Variants in SMAP1 observed in about 807,000 individuals in gnomAD.
The protein encoded by SMAP1 is small ArfGAP 1, also known as stromal membrane-associated protein 1.
Under a neutral mutation model 58.5 loss-of-function variants are expected in SMAP1, and 24 were observed. The ratio of observed to expected loss-of-function variants is 0.41; its 90% CI spans 0.30 to 0.58. The LOEUF is 0.58. Ranked by LOEUF, SMAP1 falls within the 20% of genes least tolerant of loss-of-function variation. The pLI, the probability that SMAP1 is intolerant of heterozygous loss-of-function variation, is 0.29. For missense variants in SMAP1, 563 were observed against 566.3 expected, an observed-to-expected ratio of 0.99 and a Z score of 0.06; for synonymous variants, 216 against 196.6, an observed-to-expected ratio of 1.10 and a Z score of -0.82.
intron 5 of SMAP1, among the ~76,000 whole-genome samples, chr6:70,797,423 A>T (rs1335661746): frequency 6.6e-6 from 1 of 151,918 alleles, no homozygotes; most frequent in African/African-American, 2.4e-5. Context: ...CTCCTGTGTG[A>T]CTCTGTTCCC....
At chr6:70,829,297 G>A (rs1770265335) in intron 6 of SMAP1, among the ~76,000 whole-genome samples, 1 of 145,046 alleles carries the variant, frequency 6.9e-6, no homozygotes, top group Non-Finnish European at 1.5e-5. Flanking sequence ...TTTTATTTTT[G>A]AGATGTGTTT....
chr6:70,675,165 TAAC>T (rs1224365414), intron 1 of SMAP1, among the ~76,000 whole-genome samples: 1 of 142,992 alleles, frequency 7.0e-6, no homozygotes, highest in Non-Finnish European at 1.5e-5. Flanking sequence ...AAGCAAATAA[TAAC>T]ATTACATATA....
At chr6:70,826,095 G>A (rs925807344) in intron 6 of SMAP1, among the ~76,000 whole-genome samples, 5 of 152,180 alleles carry the variant, frequency 3.3e-5, no homozygotes, top group East Asian at 3.9e-4. Context: ...GCACTTATGT[G>A]CCAGCTACTG....
chr6:70,709,511 GA>G (rs1336825198), intron 1 of SMAP1, among the ~76,000 whole-genome samples: 2 of 152,014 alleles, frequency 1.3e-5, no homozygotes, highest in Non-Finnish European at 2.9e-5. Flanking sequence ...ATTTTTTGTA[GA>G]GACAGGTCTG....
At chr6:70,852,814 C>T (rs1354394662) in intron 8 of SMAP1, 150 bp downstream of exon 8, 2 of 948,068 alleles carry the variant, frequency 2.1e-6, no homozygotes, top group African/African-American at 1.7e-5. Flanking sequence ...ACTAAGCCAG[C>T]AGCTTGTTTT....
At chr6:70,748,194 T>G (rs751886287) in intron 2 of SMAP1, among the ~76,000 whole-genome samples, 16 of 152,166 alleles carry the variant, frequency 1.1e-4, no homozygotes, top group Non-Finnish European at 2.1e-4. Context: ...AAATTTCAAG[T>G]GGTAGTAGAG....
intron 5 of SMAP1, among the ~76,000 whole-genome samples, 182 bp from the exon 6 acceptor site, chr6:70,798,475 A>C (rs559706223): frequency 2.3e-4 from 35 of 152,146 alleles, no homozygotes; most frequent in African/African-American, 8.2e-4. Context: ...CTTTAGTGTC[A>C]TCAGCATATA....
chr6:70,794,946 A>G (rs1475877439), intron 5 of SMAP1, among the ~76,000 whole-genome samples: 1 of 151,560 alleles, frequency 6.6e-6, no homozygotes, highest in Non-Finnish European at 1.5e-5. Flanking sequence ...CCATGACCAC[A>G]CCTGTCTAAT....
rs1023170593 is a variant in SMAP1, at chr6:70,845,269, A to C, written c.665-7271A>C. On this transcript the variant is annotated intron_variant, in intron 7 of 10. Coordinates refer to ENST00000370455, the MANE Select transcript of SMAP1 (RefSeq NM_001044305.3). ...ATTCAATTAATATTTATTGAGCACC[A>C]GCAGAGTTCATGGAACACTGGTAAA... Among the ~76,000 whole-genome samples, 5 of 152,234 alleles carry C rather than the reference A, an allele frequency of 3.3e-5. No homozygotes were observed. In the South Asian group the frequency reaches 6.2e-4, roughly 19 times the overall value.
At chr6:70,824,749 CAT>C in intron 6 of SMAP1, among the ~76,000 whole-genome samples, 1 of 152,270 alleles carries the variant, frequency 6.6e-6, no homozygotes, top group Non-Finnish European at 1.5e-5. Flanking sequence ...TCTTGATACA[CAT>C]ATTTTCTATC....
At chr6:70,777,300 C>T (rs545053056) in intron 4 of SMAP1, among the ~76,000 whole-genome samples, 3 of 152,316 alleles carry the variant, frequency 2.0e-5, no homozygotes, top group South Asian at 4.2e-4. Flanking sequence ...GCATCGTTCA[C>T]GCTGGGAGCT....
Position 70,798,645 on chromosome 6 carries a change from G to A in SMAP1, c.496-12G>A. 6.7e-7 allele frequency: 1 copy of A among 1,493,472 alleles called. No individual in the cohort carries two copies. 92.5% of individuals were successfully genotyped at this position (1,493,472 alleles called of 1,614,324 possible). On this transcript the variant is annotated splice_polypyrimidine_tract_variant and intron_variant, in intron 5 of 10. Transcript: ENST00000370455. ...AAAAGTAAACTTATCAAAACTTTGG[G>A]CTGTGTTTTAGAAAGAAAAGGAAAA...
intron 6 of SMAP1, among the ~76,000 whole-genome samples, chr6:70,830,187 T>C (rs1770302564): frequency 6.6e-6 from 1 of 152,236 alleles, no homozygotes; most frequent in Non-Finnish European, 1.5e-5. Flanking sequence ...GACTGCATTC[T>C]TCACTTATTA....
At chr6:70,730,560 TC>T (rs1478125502) in intron 1 of SMAP1, among the ~76,000 whole-genome samples, 1 of 152,212 alleles carries the variant, frequency 6.6e-6, no homozygotes, top group Non-Finnish European at 1.5e-5. Context: ...GTCACAGATG[TC>T]CCAGATGTAT....
rs775916846 is a variant in SMAP1, at chr6:70,755,075, A to C, written c.338+10A>C. On this transcript the variant is annotated intron_variant, in intron 3 of 10. Transcript: ENST00000370455. ...GACCACAGACAGATCAGTATCCTTTAAAACTTATTTGTTTTGAGTTTAAAA... is the reference window on the plus strand; with the variant it reads ...GACCACAGACAGATCAGTATCCTTTCAAACTTATTTGTTTTGAGTTTAAAA... The C allele has an allele frequency of 1.3e-6, 2 of 1,590,646 alleles. No individual in the cohort carries two copies. Among genetic ancestry groups the C allele is most frequent in the Admixed American group, 3.5e-5 (2 of 57,762 alleles).
intron 3 of SMAP1, among the ~76,000 whole-genome samples, chr6:70,760,992 T>C (rs1766724183): frequency 6.6e-6 from 1 of 152,088 alleles, no homozygotes; most frequent in Non-Finnish European, 1.5e-5. Flanking sequence ...TTCCATGAGA[T>C]CTATTGTGTA....
Position 70,763,130 on chromosome 6 carries a change from T to TA in SMAP1, c.338+8066dup, listed in dbSNP as rs1399486531. ...ACTTTTTTTTTTTTTTTTTTTTTTTTACGAATTGAATGTTGTGGCAACCCT... is the reference window on the plus strand; with the variant it reads ...ACTTTTTTTTTTTTTTTTTTTTTTTTAACGAATTGAATGTTGTGGCAACCCT... On this transcript the variant is annotated intron_variant, in intron 3 of 10. Transcript: ENST00000370455. 2.9e-5 allele frequency among the ~76,000 whole-genome samples: 4 copies of TA among 138,742 alleles called. No individual in the cohort carries two copies. The South Asian group carries it at 9.1e-4, about 32-fold the overall frequency. The allele number at this position is 138,742 out of a possible 152,430, so 91.0% of individuals were successfully genotyped here.
At chr6:70,804,627 G>A (rs751113421) in intron 6 of SMAP1, among the ~76,000 whole-genome samples, 1 of 152,086 alleles carries the variant, frequency 6.6e-6, no homozygotes, top group Non-Finnish European at 1.5e-5. Context: ...TTTTGCATTG[G>A]CTGGTACCAG....
intron 3 of SMAP1, 87 bp downstream of exon 3, chr6:70,755,152 A>T (rs1350439710): frequency 1.9e-6 from 2 of 1,071,914 alleles, no homozygotes; most frequent in Non-Finnish European, 2.8e-6. Flanking sequence ...ATTTAGGAAG[A>T]TGTGAACTTT....
Sources: gnomAD v4.1 joint callset for allele counts (sites outside exome capture counted in the v4.1 genomes callset) on GRCh38, gnomAD v4.1.1 for gene constraint, MANE v1.5 for transcripts, NCBI Gene and HGNC (gene_info 2026-07-23, HGNC 2026-07-21) for gene names.